IGSF21: variants seen among roughly 807,000 people sequenced by gnomAD.
IGSF21 encodes immunoglobin superfamily member 21.
IGSF21 carries 28 observed loss-of-function variants against 46.8 expected under a neutral mutation model. That is an observed-to-expected ratio of 0.60 (90% confidence interval 0.44 to 0.82). IGSF21 has a LOEUF of 0.82. IGSF21 is among the 40% of genes least tolerant of loss of function. The pLI, the probability that IGSF21 is intolerant of heterozygous loss-of-function variation, is 0.00. For missense variants in IGSF21, 624 were observed against 665.5 expected (o/e 0.94, Z 0.69); for synonymous variants, 284 against 273.6 (o/e 1.04, Z -0.38).
chr1:18,378,464 AAACAG>A lies in IGSF21; in HGVS notation c.*143_*147del, dbSNP rs2086309650. ...CTTCTTCAGTCGGTTTAATTAAAACAAACAGAACAATTTTCCCCACCTCGGTTTGT... is the reference window on the plus strand; with the variant it reads ...CTTCTTCAGTCGGTTTAATTAAAACAAACAATTTTCCCCACCTCGGTTTGT... On this transcript the variant is annotated 3_prime_UTR_variant, in exon 10 of 10. Coordinates refer to ENST00000251296, the MANE Select transcript of IGSF21 (RefSeq NM_032880.5). 1 of 725,792 alleles carries A rather than the reference AAACAG, an allele frequency of 1.4e-6. No individual in the cohort carries two copies. Among genetic ancestry groups the A allele is most frequent in the East Asian group, 2.7e-5 (1 of 36,828 alleles). 45.0% of individuals were successfully genotyped at this position (725,792 alleles called of 1,614,324 possible).
chr1:18,150,919 G>A (rs1353081230), intron 1 of IGSF21, among the ~76,000 whole-genome samples: 2 of 152,210 alleles, frequency 1.3e-5, no homozygotes, highest in Non-Finnish European at 2.9e-5. Context: ...TCCCTGTCAT[G>A]TCCATTACCA....
intron 4 of IGSF21, among the ~76,000 whole-genome samples, chr1:18,350,244 C>T (rs369950052): frequency 6.6e-6 from 1 of 152,158 alleles, no homozygotes; most frequent in Non-Finnish European, 1.5e-5. Flanking sequence ...GCCAGATGGG[C>T]CAGGGGACTC....
intron 1 of IGSF21, among the ~76,000 whole-genome samples, chr1:18,118,347 G>T (rs914430495): frequency 6.6e-6 from 1 of 152,194 alleles, no homozygotes; most frequent in Non-Finnish European, 1.5e-5. Context: ...GGGCTGGGCT[G>T]GGCTGGGGGA....
intron 1 of IGSF21, among the ~76,000 whole-genome samples, chr1:18,212,988 A>G (rs1270668128): frequency 2.0e-5 from 3 of 152,222 alleles, no homozygotes; most frequent in African/African-American, 7.2e-5. Context: ...TTTAGGAGAC[A>G]GGGGTCCTGG....
At chr1:18,360,628 C>T (rs2086090396) in intron 4 of IGSF21, among the ~76,000 whole-genome samples, 1 of 152,178 alleles carries the variant, frequency 6.6e-6, no homozygotes, top group East Asian at 1.9e-4. Context: ...GCTTCCCTCC[C>T]TGTGCGTGTC....
At chr1:18,196,867 C>T (rs971868151) in intron 1 of IGSF21, among the ~76,000 whole-genome samples, 3 of 152,160 alleles carry the variant, frequency 2.0e-5, no homozygotes, top group African/African-American at 7.2e-5. Context: ...TCCAGTAAGA[C>T]ACCCTTCTAT....
chr1:18,336,007 G>A (rs1308303166), intron 4 of IGSF21, among the ~76,000 whole-genome samples: 4 of 152,142 alleles, frequency 2.6e-5, no homozygotes, highest in African/African-American at 9.7e-5. Context: ...GCCCTGGGTT[G>A]GCCACACCAG....
At chr1:18,236,346 A>T (rs780783589) in intron 2 of IGSF21, among the ~76,000 whole-genome samples, 1 of 152,322 alleles carries the variant, frequency 6.6e-6, no homozygotes, top group Non-Finnish European at 1.5e-5. Context: ...GCCTTCCACC[A>T]TGACTGTGAG....
chr1:18,366,564 G>A (rs971059018), intron 6 of IGSF21, among the ~76,000 whole-genome samples: 2 of 152,184 alleles, frequency 1.3e-5, no homozygotes, highest in African/African-American at 2.4e-5. Flanking sequence ...GCAAACCTGG[G>A]AGGTTGCAGG....
intron 2 of IGSF21, among the ~76,000 whole-genome samples, chr1:18,238,009 G>C (rs1035559329): frequency 5.4e-5 from 3 of 55,124 alleles, no homozygotes; most frequent in African/African-American, 1.2e-4. Flanking sequence ...GGCTTCTGGG[G>C]GTGCTCAAAC....
chr1:18,350,821 C>T (rs2085944706), intron 4 of IGSF21, among the ~76,000 whole-genome samples: 1 of 152,170 alleles, frequency 6.6e-6, no homozygotes. Flanking sequence ...ACAGGAAAGA[C>T]GTGGCCACAG....
At chr1:18,115,842 GAAGAAAGAAAGAAAGAAAGAAAGAAAGA>G (rs1175457174) in intron 1 of IGSF21, 1 of 87,770 alleles carries the variant, frequency 1.1e-5, no homozygotes, top group Non-Finnish European at 2.1e-5. Flanking sequence ...AGGAAGGAAG[GAAGAAAGAAAGAAAGAAAGAAAGAAAGA>G]AAGAAAGAAA....
At chr1:18,359,474 A>AGGAAGGAC (rs2086075957) in intron 4 of IGSF21, among the ~76,000 whole-genome samples, 1 of 61,146 alleles carries the variant, frequency 1.6e-5, no homozygotes, top group African/African-American at 7.1e-5. Context: ...GAAGGAAGGA[A>AGGAAGGAC]GGAAGGAAGG....
Position 18,122,851 on chromosome 1 carries a change from T to C in IGSF21, c.70+14653T>C, listed in dbSNP as rs893699449. ...CATGTTGCCTAGGCTGGTTTTGAACTCCTGAGCTCAGGCAATCTGCCCGCC... is the reference window on the plus strand; with the variant it reads ...CATGTTGCCTAGGCTGGTTTTGAACCCCTGAGCTCAGGCAATCTGCCCGCC... On this transcript the variant is annotated intron_variant, in intron 1 of 9. Transcript: ENST00000251296. Among the ~76,000 whole-genome samples, 11 of 152,208 alleles carry C rather than the reference T, an allele frequency of 7.2e-5. No individual in the cohort carries two copies. The South Asian group carries it at 2.3e-3, about 32-fold the overall frequency.
chr1:18,377,835 C>T (rs1038800934), intron 9 of IGSF21, among the ~76,000 whole-genome samples: 4 of 152,160 alleles, frequency 2.6e-5, no homozygotes, highest in South Asian at 2.1e-4. Flanking sequence ...CAGACCACTC[C>T]GTAGGGTGGT....
intron 2 of IGSF21, among the ~76,000 whole-genome samples, chr1:18,255,214 C>T (rs2084879674): frequency 6.6e-6 from 1 of 152,164 alleles, no homozygotes; most frequent in South Asian, 2.1e-4. Flanking sequence ...CTAAGCCTGC[C>T]TCAAGAGCAT....
At chr1:18,213,893 C>G (rs573062008) in intron 1 of IGSF21, among the ~76,000 whole-genome samples, 1 of 152,166 alleles carries the variant, frequency 6.6e-6, no homozygotes, top group Non-Finnish European at 1.5e-5. Context: ...CCCTGCCCAA[C>G]ACTTCAAAGG....
At chr1:18,174,518 C>T (rs1190301637) in intron 1 of IGSF21, among the ~76,000 whole-genome samples, 2 of 152,190 alleles carry the variant, frequency 1.3e-5, no homozygotes, top group African/African-American at 4.8e-5. Flanking sequence ...AAGCTGCCTG[C>T]TCCAGGAGCT....
intron 3 of IGSF21, among the ~76,000 whole-genome samples, chr1:18,328,347 G>A (rs80083253): frequency 6.6e-6 from 1 of 152,206 alleles, no homozygotes; most frequent in African/African-American, 2.4e-5. Flanking sequence ...ATAAAGAGCT[G>A]AGTATCTCAT....
Sources: gnomAD v4.1 joint callset for allele counts (sites outside exome capture counted in the v4.1 genomes callset) on GRCh38, gnomAD v4.1.1 for gene constraint, MANE v1.5 for transcripts, NCBI Gene and HGNC (gene_info 2026-07-23, HGNC 2026-07-21) for gene names.